PIGL: variants seen among roughly 807,000 people sequenced by gnomAD.
The protein encoded by PIGL is N-acetylglucosaminyl-phosphatidylinositol de-N-acetylase.
In PIGL, 22 loss-of-function variants were observed where a neutral mutation model predicts 31.1. The observed-to-expected ratio is 0.71, with a 90% CI of 0.51 to 1.01. The LOEUF is 1.01. Ranked by LOEUF, PIGL falls within the 50% of genes least tolerant of loss-of-function variation. The pLI is 0.00. For synonymous variants in PIGL, 131 were observed against 117.4 expected, an observed-to-expected ratio of 1.12 and a Z score of -0.75; for missense variants, 302 against 315.9, an observed-to-expected ratio of 0.96 and a Z score of 0.33.
chr17:16,241,883 C>T (rs913252141), intron 2 of PIGL, among the ~76,000 whole-genome samples: 2 of 151,984 alleles, frequency 1.3e-5, no homozygotes, highest in African/African-American at 4.8e-5. Context: ...AAGATTTAAT[C>T]GTGAAGATGT....
intron 3 of PIGL, among the ~76,000 whole-genome samples, chr17:16,306,956 C>T (rs2093028957): frequency 6.6e-6 from 1 of 152,172 alleles, no homozygotes; most frequent in South Asian, 2.1e-4. Context: ...CTGCCCAGCC[C>T]TGGGAAAGCC....
intron 3 of PIGL, among the ~76,000 whole-genome samples, chr17:16,309,993 T>G (rs2093042043): frequency 6.9e-6 from 1 of 144,960 alleles, no homozygotes; most frequent in Non-Finnish European, 1.5e-5. Flanking sequence ...TGAGAGAATC[T>G]CTTGAACCCA....
intron 3 of PIGL, among the ~76,000 whole-genome samples, chr17:16,310,153 T>C (rs2093043017): frequency 6.6e-6 from 1 of 152,048 alleles, no homozygotes; most frequent in South Asian, 2.1e-4. Context: ...TTTCTTGAAT[T>C]ATGGCATTCT....
intron 3 of PIGL, among the ~76,000 whole-genome samples, chr17:16,303,567 C>A (rs2093013894): frequency 6.6e-6 from 1 of 151,284 alleles, no homozygotes; most frequent in Non-Finnish European, 1.5e-5. Context: ...GAAATGAAGT[C>A]TCGCTCTGTT....
chr17:16,297,771 C>T (rs772934746), intron 2 of PIGL, among the ~76,000 whole-genome samples: 2 of 152,170 alleles, frequency 1.3e-5, no homozygotes, highest in Non-Finnish European at 2.9e-5. Flanking sequence ...ATGAGAACCA[C>T]GTGGAGTGGC....
Position 16,234,059 on chromosome 17 carries a change from T to C in PIGL, c.324T>C (p.Ile108=), listed in dbSNP as rs1434451994. 2 of 1,556,446 alleles carry C rather than the reference T, an allele frequency of 1.3e-6. No individual in the cohort carries two copies. Among genetic ancestry groups the C allele is most frequent in the Admixed American group, 3.4e-5 (2 of 59,682 alleles). ...VLGIPLSSVM[I]IDNRDFPDDP... ...GGATTCCACTCTCCAGTGTAATGAT[T>C]ATTGACAACAGGTAATATATCTTTT... The change falls in exon 2 of 7, where the codon ATT becomes ATC. Residue 108 remains isoleucine (I), a synonymous_variant. Transcript: ENST00000225609.
In PIGL at chr17:16,279,562, A is replaced by G. The variant is rs2092908493; in HGVS notation, c.336-20326A>G. 2.6e-5 allele frequency: 4 copies of G among 152,186 alleles called. 1 individual carries two copies. In the South Asian group the frequency reaches 8.3e-4, roughly 31 times the overall value. 9.4% of individuals were successfully genotyped at this position (152,186 alleles called of 1,614,324 possible). ...ATTTTCATTTACATTTGTTTATTTT[A>G]TTATACTTCCCAAGAGAAGATTTTC... On this transcript the variant is annotated intron_variant, in intron 2 of 6. Transcript: ENST00000225609.
At chr17:16,217,917 A>G (rs1293849225) in intron 1 of PIGL, 1 of 153,172 alleles carries the variant, frequency 6.5e-6, no homozygotes, top group African/African-American at 2.4e-5. Flanking sequence ...AGCTTGTGCT[A>G]GTAACATGCA....
chr17:16,321,754 G>A (rs1276128561), intron 6 of PIGL, among the ~76,000 whole-genome samples: 1 of 150,738 alleles, frequency 6.6e-6, no homozygotes, highest in African/African-American at 2.4e-5. Flanking sequence ...CTGTCTGTCT[G>A]TCTGTCTTTC....
At chr17:16,217,602 C>CTTTTTT in intron 1 of PIGL, 141 bp downstream of exon 1, 1 of 677,602 alleles carries the variant, frequency 1.5e-6, no homozygotes, top group Non-Finnish European at 2.5e-6. Flanking sequence ...GAACCCCTCA[C>CTTTTTT]AGCCTAGGGA....
At chr17:16,222,117 T>A (rs2092632142) in intron 1 of PIGL, among the ~76,000 whole-genome samples, 1 of 152,174 alleles carries the variant, frequency 6.6e-6, no homozygotes. Context: ...TCTATTCTGC[T>A]GATTTAACAT....
chr17:16,271,105 G>C (rs967599601), intron 2 of PIGL, among the ~76,000 whole-genome samples: 1 of 152,068 alleles, frequency 6.6e-6, no homozygotes, highest in Non-Finnish European at 1.5e-5. Flanking sequence ...TGATTCTAAG[G>C]CATCTTAGGG....
At chr17:16,272,082 A>G (rs1419037449) in intron 2 of PIGL, among the ~76,000 whole-genome samples, 1 of 152,134 alleles carries the variant, frequency 6.6e-6, no homozygotes, top group Non-Finnish European at 1.5e-5. Context: ...CCCCAAAGCC[A>G]TTGCTTTTTA....
chr17:16,319,739 A>G (rs1186828746), intron 6 of PIGL, among the ~76,000 whole-genome samples: 3 of 148,892 alleles, frequency 2.0e-5, no homozygotes, highest in Non-Finnish European at 4.4e-5. Flanking sequence ...TGGGTGACAG[A>G]GCGAGACTCC....
At chr17:16,321,703 T>C (rs144751558) in intron 6 of PIGL, among the ~76,000 whole-genome samples, 1,587 of 152,246 alleles carry the variant, frequency 0.01, 31 homozygotes, top group African/African-American at 0.036. Flanking sequence ...ATGGTTTTAT[T>C]CTTTTCCTTC....
intron 2 of PIGL, among the ~76,000 whole-genome samples, chr17:16,263,582 TGGCGTGATCTC>T (rs1350679821): frequency 1.3e-5 from 2 of 151,986 alleles, no homozygotes; most frequent in Non-Finnish European, 2.9e-5. Context: ...TGGAGTGCAG[TGGCGTGATCTC>T]GGCTCAATGC....
intron 2 of PIGL, among the ~76,000 whole-genome samples, chr17:16,291,618 C>A (rs1032701318): frequency 6.6e-6 from 1 of 151,428 alleles, no homozygotes; most frequent in Non-Finnish European, 1.5e-5. Flanking sequence ...GTAATCCCAG[C>A]ACTTTGGGAG....
At chr17:16,232,701 A>G (rs951477260) in intron 1 of PIGL, among the ~76,000 whole-genome samples, 4 of 152,144 alleles carry the variant, frequency 2.6e-5, no homozygotes, top group Admixed American at 6.6e-5. Context: ...CTAGGGAGAA[A>G]AAATGGGAGA....
chr17:16,323,765 C>T (rs2093116012), intron 6 of PIGL, among the ~76,000 whole-genome samples: 1 of 148,372 alleles, frequency 6.7e-6, no homozygotes, highest in Non-Finnish European at 1.5e-5. Context: ...GACAGGCCGG[C>T]ACCACCAAGC....
Sources: gnomAD v4.1 joint callset for allele counts (sites outside exome capture counted in the v4.1 genomes callset) on GRCh38, gnomAD v4.1.1 for gene constraint, MANE v1.5 for transcripts, NCBI Gene and HGNC (gene_info 2026-07-23, HGNC 2026-07-21) for gene names.